PLXDC2: variants seen among roughly 807,000 people sequenced by gnomAD.
PLXDC2 encodes plexin domain-containing protein 2.
PLXDC2 carries 40 observed loss-of-function variants against 68.9 expected under a neutral mutation model. The observed-to-expected ratio is 0.58, with a 90% confidence interval of 0.45 to 0.76. The LOEUF is 0.76. PLXDC2 is among the 30% of genes least tolerant of loss of function. PLXDC2 has a pLI of 0.00. For missense variants in PLXDC2, 644 were observed against 661.9 expected (o/e 0.97, Z 0.30); for synonymous variants, 243 against 234.2 (o/e 1.04, Z -0.34).
intron 1 of PLXDC2, among the ~76,000 whole-genome samples, chr10:19,986,682 A>C (rs1564648065): frequency 6.6e-6 from 1 of 152,216 alleles, no homozygotes; most frequent in Non-Finnish European, 1.5e-5. Context: ...GTGAGACATT[A>C]TGTAAAGTTA....
At chr10:20,140,806 C>G (rs956643494) in intron 4 of PLXDC2, among the ~76,000 whole-genome samples, 6 of 151,654 alleles carry the variant, frequency 4.0e-5, no homozygotes. Context: ...AAACAATATT[C>G]CCTGAATTAG....
intron 1 of PLXDC2, among the ~76,000 whole-genome samples, chr10:19,938,640 G>T (rs181318764): frequency 3.5e-4 from 53 of 152,268 alleles, no homozygotes; most frequent in Admixed American, 2.6e-3. Flanking sequence ...TCCAATGTGG[G>T]TATTACAATT....
At chr10:19,925,827 G>T (rs1833530465) in intron 1 of PLXDC2, among the ~76,000 whole-genome samples, 1 of 152,216 alleles carries the variant, frequency 6.6e-6, no homozygotes, top group South Asian at 2.1e-4. Context: ...CATTCACCGA[G>T]TTGAGGTTAC....
chr10:19,818,359 G>A (rs74119749), intron 1 of PLXDC2, among the ~76,000 whole-genome samples: 1,539 of 151,772 alleles, frequency 0.01, 24 homozygotes, highest in African/African-American at 0.036. Flanking sequence ...GACACCTGGG[G>A]ATTCCAGGCA....
chr10:20,082,708 G>A (rs879811898), intron 4 of PLXDC2, among the ~76,000 whole-genome samples: 1 of 152,100 alleles, frequency 6.6e-6, no homozygotes, highest in Non-Finnish European at 1.5e-5. Context: ...AATGTATCTT[G>A]TAGGTGTATT....
intron 1 of PLXDC2, among the ~76,000 whole-genome samples, chr10:19,992,788 T>C (rs767536994): frequency 3.3e-5 from 5 of 152,212 alleles, no homozygotes; most frequent in Admixed American, 6.5e-5. Flanking sequence ...GTCACCATGA[T>C]GGGATATCCT....
intron 4 of PLXDC2, among the ~76,000 whole-genome samples, chr10:20,113,884 G>C (rs1833589677): frequency 6.6e-6 from 1 of 152,110 alleles, no homozygotes; most frequent in African/African-American, 2.4e-5. Flanking sequence ...CCAGCACTTT[G>C]GGAGGCTGAG....
chr10:20,175,808 T>C, intron 7 of PLXDC2, among the ~76,000 whole-genome samples: 1 of 152,098 alleles, frequency 6.6e-6, no homozygotes, highest in East Asian at 1.9e-4. Context: ...TGGGCAACAG[T>C]GGGAGACCCT....
chr10:19,921,555 G>C (rs1430034664), intron 1 of PLXDC2, among the ~76,000 whole-genome samples: 1 of 152,160 alleles, frequency 6.6e-6, no homozygotes, highest in South Asian at 2.1e-4. Flanking sequence ...GCATCATTAC[G>C]TAACCAGACA....
At chr10:20,084,410 G>A (rs1360137627) in intron 4 of PLXDC2, among the ~76,000 whole-genome samples, 1 of 152,168 alleles carries the variant, frequency 6.6e-6, no homozygotes, top group Non-Finnish European at 1.5e-5. Flanking sequence ...TAGCAGGAAG[G>A]TGGTGTGAGA....
chr10:19,943,606 A>T (rs771714500), intron 1 of PLXDC2, among the ~76,000 whole-genome samples: 1 of 152,238 alleles, frequency 6.6e-6, no homozygotes, highest in African/African-American at 2.4e-5. Context: ...ACATTAGACC[A>T]CACGAAGCTC....
intron 1 of PLXDC2, among the ~76,000 whole-genome samples, chr10:19,899,227 C>A (rs1199548916): frequency 1.3e-5 from 2 of 152,148 alleles, no homozygotes; most frequent in Non-Finnish European, 2.9e-5. Context: ...GACTTTTGCC[C>A]TTAAAGCTGC....
chr10:19,984,732 C>T (rs962581276), intron 1 of PLXDC2, among the ~76,000 whole-genome samples: 2 of 152,170 alleles, frequency 1.3e-5, no homozygotes, highest in Non-Finnish European at 2.9e-5. Flanking sequence ...AACAGTGTTT[C>T]TTCAAGTGTA....
At chr10:20,089,829 T>C (rs1014371877) in intron 4 of PLXDC2, among the ~76,000 whole-genome samples, 3 of 152,206 alleles carry the variant, frequency 2.0e-5, no homozygotes, top group African/African-American at 7.2e-5. Flanking sequence ...TTAACTGATA[T>C]AAGAAACACA....
At chr10:20,045,252 A>G (rs1342971087) in intron 2 of PLXDC2, among the ~76,000 whole-genome samples, 1 of 151,926 alleles carries the variant, frequency 6.6e-6, no homozygotes, top group Non-Finnish European at 1.5e-5. Context: ...GCTCACTGCA[A>G]CCTCTGCCTG....
At chr10:19,919,471 T>C (rs1345938745) in intron 1 of PLXDC2, among the ~76,000 whole-genome samples, 1 of 152,240 alleles carries the variant, frequency 6.6e-6, no homozygotes, top group African/African-American at 2.4e-5. Context: ...TGGAGATGGC[T>C]AATAACAGTG....
chr10:19,816,742 C>T lies in PLXDC2; in HGVS notation c.-338C>T, dbSNP rs1032832059. On this transcript the variant is annotated 5_prime_UTR_variant, in exon 1 of 14. Coordinates refer to ENST00000377252, the MANE Select transcript of PLXDC2 (RefSeq NM_032812.9). ...GGGCTCGGAAGTCACCGTCCGCGGGCACCGGGTTGGCGCTGCCCGAGTGGA... is the reference window on the plus strand; with the variant it reads ...GGGCTCGGAAGTCACCGTCCGCGGGTACCGGGTTGGCGCTGCCCGAGTGGA... 9.4e-6 allele frequency: 4 copies of T among 424,494 alleles called. No individual in the cohort carries two copies. Among genetic ancestry groups the T allele is most frequent in the African/African-American group, 8.0e-5 (4 of 50,032 alleles). The allele number at this position is 424,494 out of a possible 1,614,324, so 26.3% of individuals were successfully genotyped here.
chr10:19,854,108 C>T (rs987306775), intron 1 of PLXDC2, among the ~76,000 whole-genome samples: 6 of 152,150 alleles, frequency 3.9e-5, no homozygotes, highest in African/African-American at 1.4e-4. Context: ...CTATCACAGC[C>T]ACAACTGGGT....
At chr10:20,126,402 T>TAC (rs1833781670) in intron 4 of PLXDC2, among the ~76,000 whole-genome samples, 4 of 142,862 alleles carry the variant, frequency 2.8e-5, no homozygotes, top group African/African-American at 1.1e-4. Context: ...AATACATATA[T>TAC]GTATATACAA....
Sources: gnomAD v4.1 joint callset for allele counts (sites outside exome capture counted in the v4.1 genomes callset) on GRCh38, gnomAD v4.1.1 for gene constraint, MANE v1.5 for transcripts, NCBI Gene and HGNC (gene_info 2026-07-23, HGNC 2026-07-21) for gene names.